The following SPIN1 variants were observed in gnomAD, a reference collection of about 807,000 sequenced individuals.
SPIN1 encodes the protein spindlin 1.
A neutral mutation model predicts 26.0 loss-of-function variants in SPIN1; 3 were observed. The ratio of observed to expected loss-of-function variants is 0.12; its 90% CI spans 0.05 to 0.30. The LOEUF is 0.30. Among genes scored for constraint, SPIN1 ranks in the 10% least tolerant of loss-of-function variants. The pLI, the probability that SPIN1 is intolerant of heterozygous loss-of-function variation, is 1.00. For synonymous variants in SPIN1, 101 were observed against 116.5 expected (o/e 0.87, Z 0.86); for missense variants, 126 against 333.4 (o/e 0.38, Z 4.84).
chr9:88,464,668 A>G (rs974187765), intron 4 of SPIN1, among the ~76,000 whole-genome samples: 1 of 152,130 alleles, frequency 6.6e-6, no homozygotes, highest in Non-Finnish European at 1.5e-5. Flanking sequence ...TGAACACAAT[A>G]TTTTCTTTAT....
intron 2 of SPIN1, among the ~76,000 whole-genome samples, chr9:88,427,291 T>G (rs1474416076): frequency 6.6e-6 from 1 of 152,198 alleles, no homozygotes; most frequent in Non-Finnish European, 1.5e-5. Context: ...ACTTAAGTGA[T>G]TTAGAACAAT....
chr9:88,464,634 A>G (rs1411249570), intron 4 of SPIN1, among the ~76,000 whole-genome samples: 2 of 152,144 alleles, frequency 1.3e-5, no homozygotes. Context: ...CCCACTATCT[A>G]TTTGGAAGAT....
intron 3 of SPIN1, chr9:88,457,866 C>T: frequency 3.0e-6 from 3 of 984,810 alleles, no homozygotes; most frequent in Non-Finnish European, 3.6e-6. Context: ...AAAAACCTTT[C>T]TTGTTTCTAA....
intron 2 of SPIN1, among the ~76,000 whole-genome samples, chr9:88,434,343 A>G (rs2118060213): frequency 8.6e-6 from 1 of 116,368 alleles, no homozygotes; most frequent in East Asian, 2.8e-4. Context: ...ATTATAAAAT[A>G]GTTTATTTTA....
At chr9:88,400,865 T>A (rs970827758) in intron 1 of SPIN1, among the ~76,000 whole-genome samples, 1 of 148,148 alleles carries the variant, frequency 6.8e-6, no homozygotes, top group Non-Finnish European at 1.5e-5. Flanking sequence ...AAAAAAAAAT[T>A]AGCCGGGTGT....
intron 2 of SPIN1, among the ~76,000 whole-genome samples, chr9:88,427,847 C>T (rs1442665405): frequency 1.3e-5 from 2 of 152,130 alleles, no homozygotes; most frequent in Non-Finnish European, 2.9e-5. Flanking sequence ...GATCCTCCCG[C>T]GTCAGCCTCC....
rs148478271 is a variant in SPIN1 at position 88,470,661 on chromosome 9, C to G, written c.589+2056C>G. ...CCAGGCTGGAGTGCATTGGCGTGAT[C>G]TCAGCTTACTGCAGCCTCCGCCTAC... On this transcript the variant is annotated intron_variant, in intron 5 of 5. Transcript: ENST00000375859. 7.3e-3 allele frequency among the ~76,000 whole-genome samples: 1,102 copies of G among 150,028 alleles called. 12 individuals are homozygous for G. Among genetic ancestry groups the G allele is most frequent in the African/African-American group, 0.025 (1,032 of 40,746 alleles).
chr9:88,413,691 G>A (rs562523508), intron 1 of SPIN1, among the ~76,000 whole-genome samples: 4 of 152,078 alleles, frequency 2.6e-5, no homozygotes, highest in Non-Finnish European at 5.9e-5. Flanking sequence ...CCACTGTGCC[G>A]GGCCAAAATT....
At chr9:88,422,284 AAAT>A (rs780984161) in intron 1 of SPIN1, among the ~76,000 whole-genome samples, 19 of 152,210 alleles carry the variant, frequency 1.2e-4, no homozygotes, top group Non-Finnish European at 2.4e-4. Context: ...GCTAACCTAG[AAAT>A]AATGCTAACT....
chr9:88,394,741 A>G (rs1187379394), intron 1 of SPIN1, among the ~76,000 whole-genome samples: 1 of 148,398 alleles, frequency 6.7e-6, no homozygotes, highest in Non-Finnish European at 1.5e-5. Context: ...TATATGTTTG[A>G]TAATTAATTT....
At chr9:88,432,594 C>T (rs974621405) in intron 2 of SPIN1, among the ~76,000 whole-genome samples, 1 of 151,954 alleles carries the variant, frequency 6.6e-6, no homozygotes, top group Non-Finnish European at 1.5e-5. Context: ...AGCTGTTCTC[C>T]TGCCTCAGCC....
intron 2 of SPIN1, among the ~76,000 whole-genome samples, chr9:88,436,325 A>G (rs1057238458): frequency 2.6e-5 from 4 of 152,222 alleles, no homozygotes; most frequent in African/African-American, 7.2e-5. Context: ...TTGCAAAGAG[A>G]TAACGGGCTC....
chr9:88,444,837 A>G (rs1828212408), intron 2 of SPIN1, among the ~76,000 whole-genome samples: 1 of 151,140 alleles, frequency 6.6e-6, no homozygotes, highest in Admixed American at 6.6e-5. Context: ...ACTACAGGTG[A>G]CCACCAGCAC....
chr9:88,402,481 T>A (rs950544048), intron 1 of SPIN1, among the ~76,000 whole-genome samples: 5 of 152,092 alleles, frequency 3.3e-5, no homozygotes. Context: ...TGATACCTGT[T>A]ATTGTATTTT....
At chr9:88,464,550 G>C (rs1011230895) in intron 4 of SPIN1, among the ~76,000 whole-genome samples, 5 of 152,198 alleles carry the variant, frequency 3.3e-5, no homozygotes. Flanking sequence ...TGCAAGGTCA[G>C]AAATATTTTC....
intron 2 of SPIN1, among the ~76,000 whole-genome samples, chr9:88,440,055 G>A (rs907574853): frequency 6.6e-6 from 1 of 151,944 alleles, no homozygotes; most frequent in Non-Finnish European, 1.5e-5. Context: ...TCCAGTTTTT[G>A]CTTTCCACTC....
chr9:88,446,037 T>C (rs371682125), intron 2 of SPIN1, among the ~76,000 whole-genome samples: 45 of 152,304 alleles, frequency 3.0e-4, no homozygotes, highest in African/African-American at 9.9e-4. Context: ...TGTATCTTTC[T>C]GATTTTCCTG....
At chr9:88,434,103 T>A (rs1164171140) in intron 2 of SPIN1, among the ~76,000 whole-genome samples, 1 of 152,032 alleles carries the variant, frequency 6.6e-6, no homozygotes, top group Non-Finnish European at 1.5e-5. Flanking sequence ...GAATTTCTAA[T>A]CCAAATGAGC....
At chr9:88,449,161 C>T (rs1828309872) in intron 3 of SPIN1, among the ~76,000 whole-genome samples, 172 bp downstream of exon 3, 1 of 151,738 alleles carries the variant, frequency 6.6e-6, no homozygotes, top group South Asian at 2.1e-4. Context: ...CTCTTCCCTT[C>T]CCCTTGGCCT....
Sources: gnomAD v4.1 joint callset for allele counts (sites outside exome capture counted in the v4.1 genomes callset) on GRCh38, gnomAD v4.1.1 for gene constraint, MANE v1.5 for transcripts, NCBI Gene and HGNC (gene_info 2026-07-23, HGNC 2026-07-21) for gene names.